PARD3B: variants seen among roughly 807,000 people sequenced by gnomAD.
PARD3B encodes the protein par-3 family cell polarity regulator beta.
PARD3B carries 103 observed loss-of-function variants against 130.2 expected under a neutral mutation model. That is an observed-to-expected ratio of 0.79 (90% confidence interval 0.67 to 0.93). The LOEUF is 0.93. PARD3B is among the 40% of genes least tolerant of loss of function. The probability of loss-of-function intolerance (pLI) is 0.00; values close to 1 mark genes in which losing one functional copy is unlikely to be tolerated. For synonymous variants in PARD3B, 583 were observed against 553.2 expected (o/e 1.05, Z -0.76); for missense variants, 1,609 against 1,499.2 (o/e 1.07, Z -1.21).
At chr2:205,042,028 A>G (rs912513495) in intron 3 of PARD3B, among the ~76,000 whole-genome samples, 1 of 152,196 alleles carries the variant, frequency 6.6e-6, no homozygotes, top group Non-Finnish European at 1.5e-5. Context: ...AAAGAGACAG[A>G]AACTTATAGA....
At chr2:205,594,988 G>A (rs558755895) in intron 22 of PARD3B, among the ~76,000 whole-genome samples, 2 of 152,260 alleles carry the variant, frequency 1.3e-5, no homozygotes, top group South Asian at 4.1e-4. Context: ...AATATTGAGG[G>A]CCTCAGTATG....
At chr2:204,876,668 G>C (rs561885925) in intron 2 of PARD3B, among the ~76,000 whole-genome samples, 29 of 152,126 alleles carry the variant, frequency 1.9e-4, no homozygotes, top group Non-Finnish European at 3.4e-4. Context: ...TTGAGGCCAA[G>C]TAACCCCAGG....
At chr2:205,221,321 G>C (rs971564292) in intron 15 of PARD3B, among the ~76,000 whole-genome samples, 2 of 152,168 alleles carry the variant, frequency 1.3e-5, no homozygotes, top group Non-Finnish European at 2.9e-5. Flanking sequence ...CATGGTGCCC[G>C]ATGTACCACC....
chr2:204,690,673 G>C (rs2037313762), intron 2 of PARD3B, among the ~76,000 whole-genome samples: 1 of 152,110 alleles, frequency 6.6e-6, no homozygotes, highest in African/African-American at 2.4e-5. Flanking sequence ...AGTGAGACTT[G>C]TTTCAGATTT....
chr2:204,934,156 C>G (rs549291274), intron 2 of PARD3B, among the ~76,000 whole-genome samples: 2 of 152,338 alleles, frequency 1.3e-5, no homozygotes, highest in South Asian at 4.1e-4. Context: ...TTCTGCATCA[C>G]TCTGCCTTGA....
chr2:205,558,780 C>T lies in PARD3B; in HGVS notation c.3260+5377C>T, dbSNP rs1314566149. ...CTCTTGTGACCCCGTTTGATATACTCCTCCTTCTGCCTCCAAGACGCCTCC... is the reference window on the plus strand; with the variant it reads ...CTCTTGTGACCCCGTTTGATATACTTCTCCTTCTGCCTCCAAGACGCCTCC... On this transcript the variant is annotated intron_variant, in intron 22 of 22. Transcript: ENST00000406610. This position sits in a 1 kb window ranked among gnomAD's most constrained non-coding sequence, Gnocchi z 4.8. 2.6e-5 allele frequency among the ~76,000 whole-genome samples: 4 copies of T among 152,108 alleles called. No homozygotes were observed. Among genetic ancestry groups the T allele is most frequent in the South Asian group, 4.1e-4 (2 of 4,822 alleles).
intron 4 of PARD3B, 28 bp downstream of exon 4, chr2:205,047,718 A>G: frequency 6.8e-7 from 1 of 1,469,818 alleles, no homozygotes. Context: ...TGTAGTTCTA[A>G]TGAAAGATCA....
At chr2:204,897,254 A>G (rs1489967984) in intron 2 of PARD3B, among the ~76,000 whole-genome samples, 1 of 152,124 alleles carries the variant, frequency 6.6e-6, no homozygotes, top group Non-Finnish European at 1.5e-5. Flanking sequence ...GCAGTTTCTC[A>G]TTTAGACCTT....
intron 1 of PARD3B, among the ~76,000 whole-genome samples, chr2:204,637,709 C>T (rs75513963): frequency 0.067 from 10,158 of 151,362 alleles, 455 homozygotes; most frequent in Non-Finnish European, 0.1. Flanking sequence ...GTTTATGATA[C>T]CTTTAGCAAA....
chr2:205,295,580 C>T (rs1431672744), intron 16 of PARD3B, among the ~76,000 whole-genome samples: 3 of 152,148 alleles, frequency 2.0e-5, no homozygotes, highest in African/African-American at 7.2e-5. Flanking sequence ...GAAAAACTTG[C>T]CATGTATCTG....
At position 205,279,070 on chromosome 2, in the gene PARD3B, C is replaced by CAAAAAA. The variant is rs57717513; in HGVS notation, c.2186-21439_2186-21434dup. 9.9e-3 allele frequency among the ~76,000 whole-genome samples: 385 copies of CAAAAAA among 38,858 alleles called. 101 individuals carry two copies. Among genetic ancestry groups the CAAAAAA allele is most frequent in the South Asian group, 0.014 (6 of 424 alleles). 25.5% of individuals were successfully genotyped at this position (38,858 alleles called of 152,430 possible). On this transcript the variant is annotated intron_variant, in intron 16 of 22. Coordinates refer to ENST00000406610, the MANE Select transcript of PARD3B (RefSeq NM_001302769.2). ...TGGATGACAGAGCAAGAATCTGTCT[C>CAAAAAA]AAAAAAAAAAAAAAAAAAAAAAAAA...
chr2:205,245,584 T>A (rs1456549869), intron 15 of PARD3B, among the ~76,000 whole-genome samples, 194 bp from the exon 16 acceptor site: 1 of 152,202 alleles, frequency 6.6e-6, no homozygotes, highest in Non-Finnish European at 1.5e-5. Flanking sequence ...AAACATATAT[T>A]TATTCATAGC....
At chr2:205,450,174 A>G (rs981102951) in intron 20 of PARD3B, among the ~76,000 whole-genome samples, 1 of 152,196 alleles carries the variant, frequency 6.6e-6, no homozygotes, top group East Asian at 1.9e-4. Flanking sequence ...ATTGGACTAT[A>G]TATTATCAGA....
intron 2 of PARD3B, among the ~76,000 whole-genome samples, chr2:204,818,822 A>G (rs2125539758): frequency 6.6e-6 from 1 of 152,318 alleles, no homozygotes; most frequent in Admixed American, 6.5e-5. Context: ...ATCTTGTTAT[A>G]GTTTAGAACG....
At chr2:205,373,288 C>G (rs1204961259) in intron 18 of PARD3B, among the ~76,000 whole-genome samples, 1 of 152,200 alleles carries the variant, frequency 6.6e-6, no homozygotes, top group African/African-American at 2.4e-5. Context: ...AACACCAGCT[C>G]TCTCCACTGC....
intron 2 of PARD3B, among the ~76,000 whole-genome samples, chr2:204,911,791 A>T (rs1463884354): frequency 6.6e-6 from 1 of 152,228 alleles, no homozygotes; most frequent in Non-Finnish European, 1.5e-5. Flanking sequence ...AACGGTGGCT[A>T]TGTTAACTGG....
chr2:205,429,705 C>G (rs961035415), intron 19 of PARD3B, among the ~76,000 whole-genome samples: 1 of 152,114 alleles, frequency 6.6e-6, no homozygotes, highest in Non-Finnish European at 1.5e-5. Context: ...TATGTGCTTC[C>G]TTTAAGGTAT....
At chr2:205,532,239 A>T (rs554683203) in intron 21 of PARD3B, among the ~76,000 whole-genome samples, 1 of 152,358 alleles carries the variant, frequency 6.6e-6, no homozygotes, top group Admixed American at 6.5e-5. Flanking sequence ...GTTTCTGGTC[A>T]TGATGAGTCA....
chr2:205,607,282 T>G (rs1274518305), intron 22 of PARD3B, among the ~76,000 whole-genome samples: 2 of 151,764 alleles, frequency 1.3e-5, no homozygotes, highest in African/African-American at 4.9e-5. Context: ...TTAGATCCTG[T>G]TTTTTAGAAA....
Sources: gnomAD v4.1 joint callset for allele counts (sites outside exome capture counted in the v4.1 genomes callset) on GRCh38, gnomAD v4.1.1 for gene constraint, Gnocchi (gnomAD v3.1) non-coding constraint, MANE v1.5 for transcripts, NCBI Gene and HGNC (gene_info 2026-07-23, HGNC 2026-07-21) for gene names.